RGMA: variants seen among roughly 807,000 people sequenced by gnomAD.
The protein encoded by RGMA is repulsive guidance molecule BMP co-receptor a, also known as repulsive guidance molecule A.
Under a neutral mutation model 23.2 loss-of-function variants are expected in RGMA, and 10 were observed. The observed-to-expected ratio is 0.43, with a 90% CI of 0.27 to 0.73. RGMA has a LOEUF of 0.73. Ranked by LOEUF, RGMA falls within the 30% of genes least tolerant of loss-of-function variation. RGMA has a pLI of 0.20. For missense variants in RGMA, 547 were observed against 630.5 expected (o/e 0.87, Z 1.42); for synonymous variants, 308 against 279.3 (o/e 1.10, Z -1.03).
In RGMA at chr15:93,052,161, G is replaced by A. The variant is rs772696156; in HGVS notation, c.477C>T (p.Asn159=). 1.1e-5 allele frequency: 18 copies of A among 1,613,506 alleles called. No individual in the cohort carries two copies. Among genetic ancestry groups the A allele is most frequent in the African/African-American group, 9.3e-5 (7 of 74,930 alleles). Residue 159 remains asparagine (N), a synonymous_variant, in exon 3 of 4, where the codon AAC becomes AAT. Transcript: ENST00000329082. The stretch of plus-strand genomic sequence containing the variant: ...CCCCGAAGAGGCCACAGTGCGTGTA[G>A]TTGGGGGTGGCCGAGTGCTTGTGAA... ...KSFHKHSATP[N]YTHCGLFGDP... is the part of the protein sequence containing the mutation.
chr15:93,071,016 C>T (rs1399955767), intron 2 of RGMA, among the ~76,000 whole-genome samples: 1 of 152,204 alleles, frequency 6.6e-6, no homozygotes, highest in Non-Finnish European at 1.5e-5. Context: ...GCCTTCCTTT[C>T]CTCTCCAGCC....
rs1438435213 is a variant in RGMA, at chr15:93,035,323, CTTTA to C, written c.*9671_*9674del. ...CATATGTTAAAGACAGTAAGAAAGA[CTTTA>C]TTTGAGGTGGGGGGCAGTGTTGGAC... On this transcript the variant is annotated 3_prime_UTR_variant, in exon 4 of 4. Transcript: ENST00000329082. 1.3e-5 allele frequency: 2 copies of C among 152,182 alleles called. No homozygotes were observed. Among genetic ancestry groups the C allele is most frequent in the African/African-American group, 4.8e-5 (2 of 41,408 alleles). The allele number at this position is 152,182 out of a possible 1,614,324, so 9.4% of individuals were successfully genotyped here. A position where few individuals can be genotyped will look rare whatever the true frequency, so the allele number is the denominator to read the frequency against.
chr15:93,072,119 G>A (rs1305979724), intron 2 of RGMA, among the ~76,000 whole-genome samples: 2 of 151,612 alleles, frequency 1.3e-5, no homozygotes, highest in Non-Finnish European at 2.9e-5. Context: ...CCCCCCGAAA[G>A]GAAAAAAAGT....
At chr15:93,085,844 T>A (rs1895626813) in intron 1 of RGMA, among the ~76,000 whole-genome samples, 1 of 152,238 alleles carries the variant, frequency 6.6e-6, no homozygotes, top group Non-Finnish European at 1.5e-5. Context: ...CGGACCTGGC[T>A]AAGAAACTGG....
intron 1 of RGMA, chr15:93,073,701 T>C: frequency 6.5e-7 from 1 of 1,537,224 alleles, no homozygotes; most frequent in Non-Finnish European, 8.7e-7. Context: ...GCTCTCTGCA[T>C]CTCAGCTACT....
chr15:93,066,307 C>G lies in RGMA; in HGVS notation c.130+6609G>C, dbSNP rs967055820. On this transcript the variant is annotated intron_variant, in intron 2 of 3. Transcript: ENST00000329082. The stretch of plus-strand genomic sequence containing the variant: ...TTGGCGTCATTCCTGTGGATGAATC[C>G]GTAACCATTCCGGACGTTGAACCAT... The G allele has an allele frequency of 8.8e-6, 8 of 906,800 alleles. No individual in the cohort carries two copies. In the African/African-American group the frequency reaches 1.3e-4, roughly 15 times the overall value. The allele number at this position is 906,800 out of a possible 1,614,324, so 56.2% of individuals were successfully genotyped here. A position where few individuals can be genotyped will look rare whatever the true frequency, so the allele number is the denominator to read the frequency against.
intron 1 of RGMA, among the ~76,000 whole-genome samples, chr15:93,081,302 G>A (rs570098652): frequency 1.3e-5 from 2 of 152,290 alleles, no homozygotes; most frequent in African/African-American, 2.4e-5. Context: ...GAGCCATTCT[G>A]AGGCCTCATC....
At chr15:93,084,732 C>T (rs1402120707) in intron 1 of RGMA, among the ~76,000 whole-genome samples, 1 of 152,172 alleles carries the variant, frequency 6.6e-6, no homozygotes, top group African/African-American at 2.4e-5. Context: ...CTTGGCCTCC[C>T]AAAGTGCTGG....
intron 2 of RGMA, chr15:93,065,735 C>T (rs537565837): frequency 7.5e-6 from 9 of 1,192,146 alleles, no homozygotes; most frequent in South Asian, 4.8e-5. Flanking sequence ...GGACCATCAG[C>T]GGGACCGTGG....
At chr15:93,067,768 G>C (rs1895203417) in intron 2 of RGMA, among the ~76,000 whole-genome samples, 2 of 152,202 alleles carry the variant, frequency 1.3e-5, no homozygotes, top group African/African-American at 4.8e-5. Context: ...CCGGGAGTTA[G>C]AGACCCTCCC....
chr15:93,050,852 T>C (rs2054905913), intron 3 of RGMA, among the ~76,000 whole-genome samples: 1 of 152,000 alleles, frequency 6.6e-6, no homozygotes, highest in Admixed American at 6.5e-5. Flanking sequence ...TGCTGGTGCC[T>C]GGATTTAGAA....
chr15:93,069,848 T>C (rs991130315), intron 2 of RGMA, among the ~76,000 whole-genome samples: 7 of 152,242 alleles, frequency 4.6e-5, no homozygotes, highest in African/African-American at 1.7e-4. Flanking sequence ...CCTGGTGACA[T>C]GTCCGAAACA....
In RGMA at chr15:93,037,882, C is replaced by T. The variant is rs1387482472; in HGVS notation, c.*7116G>A. 6.6e-6 allele frequency: 1 copy of T among 152,230 alleles called. No homozygotes were observed. The highest frequency in any genetic ancestry group is 1.5e-5 in the Non-Finnish European group (1 of 68,068). 9.4% of individuals were successfully genotyped at this position (152,230 alleles called of 1,614,324 possible). On this transcript the variant is annotated 3_prime_UTR_variant, in exon 4 of 4. Transcript: ENST00000329082. The surrounding 1 kb of genome is among the most constrained non-coding windows in gnomAD (Gnocchi z 4.3). ...TGCTGGGCGACATGAATGTTTTCGC[C>T]TTGGGATCTGGGCTGCCTGGGATCA...
chr15:93,045,994 G>GAAAAATAAAAGCATAGATAATT lies in RGMA; in HGVS notation c.646-311_646-290dup, dbSNP rs2054819426. 6.6e-6 allele frequency among the ~76,000 whole-genome samples: 1 copy of GAAAAATAAAAGCATAGATAATT among 152,166 alleles called. No homozygotes were observed. Among genetic ancestry groups the GAAAAATAAAAGCATAGATAATT allele is most frequent in the African/African-American group, 2.4e-5 (1 of 41,432 alleles). On this transcript the variant is annotated intron_variant, in intron 3 of 3. Transcript: ENST00000329082. This position sits in a 1 kb window ranked among gnomAD's most constrained non-coding sequence, Gnocchi z 6.9. ...TTTTACTATATAGGGAAGTGAACCA[G>GAAAAATAAAAGCATAGATAATT]AAAAATAAAAGCATAGATAATTAAA... is the stretch of plus-strand genomic sequence containing the variant.
Position 93,038,445 on chromosome 15 carries a change from T to G in RGMA, c.*6553A>C, listed in dbSNP as rs1477102315. The G allele has an allele frequency of 6.6e-6, 1 of 152,228 alleles. No homozygotes were observed. Among genetic ancestry groups the G allele is most frequent in the Non-Finnish European group, 1.5e-5 (1 of 68,076 alleles). 9.4% of individuals were successfully genotyped at this position (152,228 alleles called of 1,614,324 possible). On this transcript the variant is annotated 3_prime_UTR_variant, in exon 4 of 4. Coordinates refer to ENST00000329082, the MANE Select transcript of RGMA (RefSeq NM_020211.3). ...AGGTATGCGAGGGCGGAGGGTGGAC[T>G]GTTTCTTCAAGATGCCCTCTCCCCA...
intron 3 of RGMA, among the ~76,000 whole-genome samples, chr15:93,046,694 C>G (rs1035417542): frequency 6.6e-6 from 1 of 152,122 alleles, no homozygotes; most frequent in African/African-American, 2.4e-5. Flanking sequence ...GCCACTGTCC[C>G]AAGGCTGCTG....
At chr15:93,088,895 G>GC (rs1567198622) in intron 1 of RGMA, 24 bp downstream of exon 1, 1 of 1,481,962 alleles carries the variant, frequency 6.7e-7, no homozygotes, top group Non-Finnish European at 8.9e-7. Flanking sequence ...AGCCGGGTCT[G>GC]CCCGGCTCCC....
Position 93,044,301 on chromosome 15 carries a change from C to G in RGMA, c.*697G>C, listed in dbSNP as rs1265158476. 1 of 152,630 alleles carries G rather than the reference C, an allele frequency of 6.6e-6. No homozygotes were observed. Among genetic ancestry groups the G allele is most frequent in the African/African-American group, 2.4e-5 (1 of 41,458 alleles). 9.5% of individuals were successfully genotyped at this position (152,630 alleles called of 1,614,324 possible). A position where few individuals can be genotyped will look rare whatever the true frequency, so the allele number is the denominator to read the frequency against. ...AGCACAGGGTGGAAGGGGCAGGGGC[C>G]CAGGCCAGAGACGGGCAGCTGAGCA... On this transcript the variant is annotated 3_prime_UTR_variant, in exon 4 of 4. Coordinates refer to ENST00000329082, the MANE Select transcript of RGMA (RefSeq NM_020211.3).
Position 93,074,530 on chromosome 15 carries a change from G to A in RGMA, c.15-1499C>T, listed in dbSNP as rs142092630. Among the ~76,000 whole-genome samples, 273 of 152,326 alleles carry A rather than the reference G, an allele frequency of 1.8e-3. 2 individuals are homozygous for A. The highest frequency in any genetic ancestry group is 5.9e-3 in the African/African-American group (247 of 41,568). The stretch of plus-strand genomic sequence containing the variant: ...CAACACGAAGCTGCTCTTCCCTTAG[G>A]TGGAAATGCCAGACACAACTCTTCT... On this transcript the variant is annotated intron_variant, in intron 1 of 3. Coordinates refer to ENST00000329082, the MANE Select transcript of RGMA (RefSeq NM_020211.3).
Sources: gnomAD v4.1 joint callset for allele counts (sites outside exome capture counted in the v4.1 genomes callset) on GRCh38, gnomAD v4.1.1 for gene constraint, Gnocchi (gnomAD v3.1) non-coding constraint, MANE v1.5 for transcripts, NCBI Gene and HGNC (gene_info 2026-07-23, HGNC 2026-07-21) for gene names.